Variants in APOB observed in about 807,000 individuals in gnomAD.
The protein encoded by APOB is apolipoprotein B-100.
In APOB, 153 loss-of-function variants were observed where a neutral mutation model predicts 314.1. The observed-to-expected ratio is 0.49, with a 90% CI of 0.43 to 0.56. The LOEUF is 0.56. APOB is among the 20% of genes least tolerant of loss of function. The pLI, the probability that APOB is intolerant of heterozygous loss-of-function variation, is 0.00. For missense variants in APOB, 5,430 were observed against 5,350.7 expected (o/e 1.01, Z -0.46); for synonymous variants, 2,087 against 2,036.4 (o/e 1.02, Z -0.67).
intron 2 of APOB, 109 bp from the exon 3 acceptor site, chr2:21,042,585 A>C: frequency 2.5e-6 from 2 of 788,406 alleles, no homozygotes; most frequent in South Asian, 1.4e-5. Context: ...ATGGTAATTC[A>C]ACTCAAATTA....
rs373621211 is a variant in APOB, at chr2:21,005,352, T to C, written c.11516A>G (p.Asp3839Gly). The C allele has an allele frequency of 6.2e-7, 1 of 1,613,964 alleles. No individual in the cohort carries two copies. Among genetic ancestry groups the C allele is most frequent in the Non-Finnish European group, 8.5e-7 (1 of 1,179,958 alleles). Reference protein sequence around the residue: ...KSVSDGIAALDLNAVANKIAD... With the variant: ...KSVSDGIAALGLNAVANKIAD... ...GATCTTGTTGGCTACTGCATTTAGA[T>C]CCAAAGCAGCAATGCCATCTGAAAC... The change falls in exon 26 of 29, where the codon GAT becomes GGT. Residue 3839 changes from aspartate to glycine, a missense_variant. Physicochemically the swap from Asp to Gly is moderately conservative, Grantham distance 94. Around this residue, in one of 3 missense-constraint regions of APOB, gnomAD observed 3,281 missense variants for 3,171.0 expected, o/e 1.03. Transcript: ENST00000233242.
chr2:21,008,370 T>C lies in APOB; in HGVS notation c.8498A>G (p.Lys2833Arg), dbSNP rs765143566. 1.2e-6 allele frequency: 2 copies of C among 1,614,108 alleles called. No homozygotes were observed. ...ACTCCCATGCTCCGTTCTCAGGTAC[T>C]TGCTGGAGAACTTCACTGACTCCTT... Reference protein sequence around the residue: ...ALKESVKFSSKYLRTEHGSEM... With the variant: ...ALKESVKFSSRYLRTEHGSEM... The change falls in exon 26 of 29, where the codon AAG becomes AGG. Residue 2833 changes from lysine to arginine, a missense_variant. Physicochemically the swap from Lys to Arg is conservative, Grantham distance 26. Around this residue, in one of 3 missense-constraint regions of APOB, gnomAD observed 3,281 missense variants for 3,171.0 expected, o/e 1.03. Coordinates refer to ENST00000233242, the MANE Select transcript of APOB (RefSeq NM_000384.3).
rs12714097 is a variant in APOB at position 21,023,017 on chromosome 2, G to A, written c.2630C>T (p.Pro877Leu). The A allele has an allele frequency of 4.8e-4, 773 of 1,613,978 alleles. 3 individuals are homozygous for A. Among genetic ancestry groups the A allele is most frequent in the Non-Finnish European group, 6.0e-4 (706 of 1,180,022 alleles). The change falls in exon 18 of 29, where the codon CCC becomes CTC. Residue 877 changes from proline to leucine, a missense_variant. Around this residue, in one of 3 missense-constraint regions of APOB, gnomAD observed 2,085 missense variants for 2,079.7 expected, o/e 1.00. Coordinates refer to ENST00000233242, the MANE Select transcript of APOB (RefSeq NM_000384.3). ...ANMQAELVAK[P>L]SVSVEFVTNM... ...TGTCACAAACTCCACAGACACGGAG[G>A]GTTTTGCCACCAGTTCAGCCTGCAT...
intron 21 of APOB, among the ~76,000 whole-genome samples, chr2:21,016,030 C>T (rs532989104): frequency 6.6e-6 from 1 of 152,288 alleles, no homozygotes; most frequent in South Asian, 2.1e-4. Flanking sequence ...TGGCTTACAC[C>T]TGTAATCCCA....
Position 21,001,562 on chromosome 2 carries a change from C to T in APOB, c.*168G>A. 1.6e-6 allele frequency: 1 copy of T among 635,748 alleles called. No homozygotes were observed. Among genetic ancestry groups the T allele is most frequent in the Non-Finnish European group, 2.7e-6 (1 of 376,760 alleles). 39.4% of individuals were successfully genotyped at this position (635,748 alleles called of 1,614,324 possible). A position where few individuals can be genotyped will look rare whatever the true frequency, so the allele number is the denominator to read the frequency against. On this transcript the variant is annotated 3_prime_UTR_variant, in exon 29 of 29. Transcript: ENST00000233242. ...TTCAGAGACCTTCCGAGCCCTGGTGCCAGCTTTGGTGCAGGTCCAGTTCAT... is the reference window on the plus strand; with the variant it reads ...TTCAGAGACCTTCCGAGCCCTGGTGTCAGCTTTGGTGCAGGTCCAGTTCAT...
intron 2 of APOB, among the ~76,000 whole-genome samples, chr2:21,043,202 G>C (rs1664175022): frequency 6.6e-6 from 1 of 151,986 alleles, no homozygotes; most frequent in Non-Finnish European, 1.5e-5. Context: ...CACATGCTTC[G>C]AATCAATGAC....
intron 15 of APOB, among the ~76,000 whole-genome samples, chr2:21,026,151 A>G (rs541750488): frequency 6.6e-6 from 1 of 152,196 alleles, no homozygotes; most frequent in African/African-American, 2.4e-5. Context: ...GTAGTCTGGG[A>G]TACAGACAGA....
At position 21,002,251 on chromosome 2, in the gene APOB, G is replaced by T; in HGVS notation, c.13171C>A (p.Pro4391Thr). The T allele has an allele frequency of 1.2e-6, 2 of 1,613,884 alleles. No homozygotes were observed. Among genetic ancestry groups the T allele is most frequent in the Non-Finnish European group, 1.7e-6 (2 of 1,179,948 alleles). The change falls in exon 29 of 29, where the codon CCA (proline) becomes ACA (threonine). Residue 4391 changes from proline (P) to threonine (T), a missense_variant. Physicochemically the swap from Pro to Thr is conservative, Grantham distance 38. Around this residue, in one of 3 missense-constraint regions of APOB, gnomAD observed 3,281 missense variants for 3,171.0 expected, o/e 1.03. Coordinates refer to ENST00000233242, the MANE Select transcript of APOB (RefSeq NM_000384.3). ...IMALREEYFD[P>T]SIVGWTVKYY... ...TTCACTGTCCAGCCAACTATACTTG[G>T]ATCAAAATATTCTTCACGAAGGGCC... is the stretch of plus-strand genomic sequence containing the variant.
intron 24 of APOB, 147 bp from the exon 25 acceptor site, chr2:21,013,680 C>A (rs1222693194): frequency 2.6e-6 from 3 of 1,161,482 alleles, no homozygotes; most frequent in Non-Finnish European, 3.8e-6. Context: ...TGCCTGGACC[C>A]CTTTGCTTTT....
At position 21,009,250 on chromosome 2, in the gene APOB, C is replaced by G. The variant is rs1572781975; in HGVS notation, c.7618G>C (p.Gly2540Arg). The change falls in exon 26 of 29, where the codon GGC becomes CGC. Residue 2540 changes from glycine (G) to arginine (R), a missense_variant. By Grantham distance (125) the Gly-to-Arg change is moderately radical. Around this residue, in one of 3 missense-constraint regions of APOB, gnomAD observed 3,281 missense variants for 3,171.0 expected, o/e 1.03. Transcript: ENST00000233242. ...GTGACAAGTGTGCTATAAACCTGGC[C>G]TACCAGAGACAGGTATCGTTGAAGT... is the stretch of plus-strand genomic sequence containing the variant. ...QELQRYLSLV[G>R]QVYSTLVTYI... The G allele has an allele frequency of 6.2e-7, 1 of 1,613,944 alleles. No homozygotes were observed. Among genetic ancestry groups the G allele is most frequent in the Admixed American group, 1.7e-5 (1 of 59,988 alleles).
At position 21,007,196 on chromosome 2, in the gene APOB, A is replaced by G. The variant is rs1275715955; in HGVS notation, c.9672T>C (p.Asn3224=). 2 of 1,613,720 alleles carry G rather than the reference A, an allele frequency of 1.2e-6. No individual in the cohort carries two copies. The highest frequency in any genetic ancestry group is 2.7e-5 in the African/African-American group (2 of 74,892). The change falls in exon 26 of 29, where the codon AAT becomes AAC. Residue 3224 remains asparagine, a synonymous_variant. Transcript: ENST00000233242. ...NALDFVTKSY[N]ETKIKFDKYK... is the part of the protein sequence containing the mutation. Reference sequence around the variant, plus strand: ...ACTTATCAAACTTAATTTTTGTTTCATTATAGGATTTGGTGACAAAATCTA... The same window carrying G: ...ACTTATCAAACTTAATTTTTGTTTCGTTATAGGATTTGGTGACAAAATCTA...
intron 16 of APOB, 43 bp from the exon 17 acceptor site, chr2:21,023,735 T>A (rs1329862304): frequency 6.5e-7 from 1 of 1,547,202 alleles, no homozygotes; most frequent in African/African-American, 1.4e-5. Flanking sequence ...TAAGTCTTTT[T>A]AAAGTCGGTT....
intron 16 of APOB, 64 bp downstream of exon 16, chr2:21,024,869 T>C: frequency 6.4e-7 from 1 of 1,556,180 alleles, no homozygotes; most frequent in Non-Finnish European, 8.9e-7. Context: ...TAAGGGAGTC[T>C]GGGCGATCTA....
At chr2:21,023,110 A>C in intron 17 of APOB, 68 bp from the exon 18 acceptor site, 1 of 1,317,468 alleles carries the variant, frequency 7.6e-7, no homozygotes, top group Non-Finnish European at 1.1e-6. Flanking sequence ...CAGATCAACC[A>C]CCCTTTCTCA....
chr2:21,005,301 A>G lies in APOB; in HGVS notation c.11567T>C (p.Ile3856Thr), dbSNP rs2103350534. The G allele has an allele frequency of 1.9e-6, 3 of 1,614,072 alleles. No homozygotes were observed. The highest frequency in any genetic ancestry group is 2.5e-6 in the Non-Finnish European group (3 of 1,179,940). Residue 3856 changes from isoleucine (I) to threonine (T), a missense_variant, in exon 26 of 29, where the codon ATC becomes ACC. Physicochemically the swap from Ile to Thr is moderately conservative, Grantham distance 89. Transcript: ENST00000233242. Reference sequence around the variant, plus strand: ...AATCTCAATGGTCTGCTCAGGCACGATGATGGTGGGCAACTCAAAGTCTGC... The same window carrying G: ...AATCTCAATGGTCTGCTCAGGCACGGTGATGGTGGGCAACTCAAAGTCTGC... The part of the protein sequence containing the change: ...KIADFELPTI[I>T]VPEQTIEIPS...
At chr2:21,033,587 G>C in intron 8 of APOB, 69 bp from the exon 9 acceptor site, 1 of 1,354,252 alleles carries the variant, frequency 7.4e-7, no homozygotes, top group Non-Finnish European at 1.1e-6. Flanking sequence ...TCTACTGGAA[G>C]CTGGAAATTG....
At chr2:21,038,260 A>G in intron 4 of APOB, 149 bp from the exon 5 acceptor site, 1 of 837,126 alleles carries the variant, frequency 1.2e-6, no homozygotes, top group Non-Finnish European at 2.0e-6. Context: ...GAATATAGCT[A>G]CACATAGACA....
rs775070656 is a variant in APOB at position 21,013,404 on chromosome 2, C to T, written c.3972G>A (p.Lys1324=). The change falls in exon 25 of 29, where the codon AAG becomes AAA. Residue 1324 remains lysine, a synonymous_variant. Coordinates refer to ENST00000233242, the MANE Select transcript of APOB (RefSeq NM_000384.3). Reference sequence around the variant, plus strand: ...GAGATGGCAGATGGAATCCCACAGACTTGAAGTGGAGGGCTGGTGTCCTAA... The same window carrying T: ...GAGATGGCAGATGGAATCCCACAGATTTGAAGTGGAGGGCTGGTGTCCTAA... ...ETVRTPALHF[K]SVGFHLPSRE... is the part of the protein sequence containing the mutation. 13 of 1,614,230 alleles carry T rather than the reference C, an allele frequency of 8.1e-6. No homozygotes were observed. Among genetic ancestry groups the T allele is most frequent in the Non-Finnish European group, 1.0e-5 (12 of 1,180,048 alleles).
In APOB at chr2:21,011,031, T is replaced by TA; in HGVS notation, c.5836dup (p.Tyr1946LeufsTer12). ...GAGATGATGACTTGTGGAGCCTTTG[T>TA]AATCATGAGAGAAAGTAAATGCCAG... is the stretch of plus-strand genomic sequence containing the variant. On this transcript the variant is annotated frameshift_variant, in exon 26 of 29. Transcript: ENST00000233242. LOFTEE classifies it high-confidence loss of function. 1 of 1,614,192 alleles carries TA rather than the reference T, an allele frequency of 6.2e-7. No individual in the cohort carries two copies. Among genetic ancestry groups the TA allele is most frequent in the Non-Finnish European group, 8.5e-7 (1 of 1,180,016 alleles).
Sources: gnomAD v4.1 joint callset for allele counts (sites outside exome capture counted in the v4.1 genomes callset) on GRCh38, gnomAD v4.1.1 for gene constraint, gnomAD v4.1.1 regional missense constraint, MANE v1.5 for transcripts, NCBI Gene and HGNC (gene_info 2026-07-23, HGNC 2026-07-21) for gene names.